The following FOXO1 variants were observed in gnomAD, a reference collection of about 807,000 sequenced individuals.
FOXO1 encodes forkhead box O1, also known as forkhead box protein O1.
In FOXO1, 6 loss-of-function variants were observed where a neutral mutation model predicts 44.1. The ratio of observed to expected loss-of-function variants is 0.14; its 90% CI spans 0.07 to 0.27. The LOEUF (loss-of-function observed/expected upper bound fraction) is 0.27, where lower values mean the gene tolerates loss of function less well. Among genes scored for constraint, FOXO1 ranks in the 10% least tolerant of loss-of-function variants. The pLI, the probability that FOXO1 is intolerant of heterozygous loss-of-function variation, is 1.00. For missense variants in FOXO1, 737 were observed against 888.8 expected (o/e 0.83, Z 2.17); for synonymous variants, 380 against 362.7 (o/e 1.05, Z -0.54).
chr13:40,617,158 G>A (rs544128673), intron 1 of FOXO1, among the ~76,000 whole-genome samples: 207 of 152,302 alleles, frequency 1.4e-3, no homozygotes, highest in Non-Finnish European at 2.6e-3. Flanking sequence ...AATAACAAAG[G>A]TGAAAGGCCA....
intron 1 of FOXO1, among the ~76,000 whole-genome samples, chr13:40,659,324 AAAAAAAAG>A (rs1877960695): frequency 6.6e-6 from 1 of 151,178 alleles, no homozygotes; most frequent in Non-Finnish European, 1.5e-5. Flanking sequence ...CAAAAAAAAA[AAAAAAAAG>A]AAAAGAAAAG....
At chr13:40,598,513 T>A (rs1875682940) in intron 1 of FOXO1, among the ~76,000 whole-genome samples, 1 of 151,870 alleles carries the variant, frequency 6.6e-6, no homozygotes, top group Non-Finnish European at 1.5e-5. Context: ...AAAAAAAAAA[T>A]CACACAACAT....
chr13:40,571,921 G>A (rs1379342707), intron 1 of FOXO1, among the ~76,000 whole-genome samples: 2 of 152,166 alleles, frequency 1.3e-5, no homozygotes, highest in Non-Finnish European at 2.9e-5. Flanking sequence ...CTCTTCTGAT[G>A]AAGAATTTAA....
rs553576869 is a variant in FOXO1, at chr13:40,586,362, T to C, written c.631-25502A>G. Among the ~76,000 whole-genome samples, 3 of 152,240 alleles carry C rather than the reference T, an allele frequency of 2.0e-5. No homozygotes were observed. In the South Asian group the frequency reaches 6.2e-4, roughly 32 times the overall value. ...CATACTACTTCCTACAGGATATGCT[T>C]TCTCTCTCTAAGAAGGGCTTAATAA... On this transcript the variant is annotated intron_variant, in intron 1 of 2. Transcript: ENST00000379561.
chr13:40,618,469 A>T (rs567160969), intron 1 of FOXO1, among the ~76,000 whole-genome samples: 7 of 152,246 alleles, frequency 4.6e-5, no homozygotes, highest in Non-Finnish European at 1.0e-4. Flanking sequence ...GCTGTTCCAC[A>T]GAACGGGATT....
At chr13:40,624,505 A>G (rs1167192117) in intron 1 of FOXO1, among the ~76,000 whole-genome samples, 1 of 152,132 alleles carries the variant, frequency 6.6e-6, no homozygotes, top group Non-Finnish European at 1.5e-5. Flanking sequence ...ATCAGTTCTG[A>G]TTCATACCAC....
intron 1 of FOXO1, among the ~76,000 whole-genome samples, chr13:40,616,560 C>T (rs1876430368): frequency 6.6e-6 from 1 of 152,120 alleles, no homozygotes; most frequent in Admixed American, 6.5e-5. Flanking sequence ...GAATGAGAAG[C>T]CCATTGGTAA....
At chr13:40,601,349 T>A (rs976651059) in intron 1 of FOXO1, among the ~76,000 whole-genome samples, 2 of 152,254 alleles carry the variant, frequency 1.3e-5, no homozygotes, top group Non-Finnish European at 2.9e-5. Flanking sequence ...ATTCACTGAC[T>A]GAACTTTGTT....
intron 1 of FOXO1, among the ~76,000 whole-genome samples, chr13:40,612,750 T>G (rs1289387124): frequency 6.6e-6 from 1 of 152,218 alleles, no homozygotes; most frequent in African/African-American, 2.4e-5. Context: ...TATACTGTTA[T>G]TATTGGTCTG....
intron 1 of FOXO1, chr13:40,611,022 T>C (rs775853246): frequency 2.2e-6 from 1 of 455,698 alleles, no homozygotes; most frequent in South Asian, 1.6e-5. Context: ...AAGTCTTACT[T>C]GTTGCAAACT....
intron 1 of FOXO1, among the ~76,000 whole-genome samples, chr13:40,580,801 C>G (rs747735211): frequency 5.9e-5 from 9 of 152,238 alleles, no homozygotes; most frequent in Non-Finnish European, 1.2e-4. Flanking sequence ...AAGATGCTGT[C>G]ATTTGAAGGT....
At chr13:40,564,385 C>T (rs1593379723) in intron 1 of FOXO1, among the ~76,000 whole-genome samples, 3 of 152,004 alleles carry the variant, frequency 2.0e-5, no homozygotes, top group East Asian at 3.9e-4. Context: ...AGAGCTGTTT[C>T]CTAACTTTGC....
chr13:40,571,114 T>A (rs1566064142), intron 1 of FOXO1, among the ~76,000 whole-genome samples: 1 of 152,114 alleles, frequency 6.6e-6, no homozygotes, highest in Non-Finnish European at 1.5e-5. Flanking sequence ...ATAAGGTCCC[T>A]GTGGTGGATA....
chr13:40,568,927 T>C (rs116184434), intron 1 of FOXO1, among the ~76,000 whole-genome samples: 140 of 151,160 alleles, frequency 9.3e-4, no homozygotes, highest in African/African-American at 3.2e-3. Flanking sequence ...GGGAAACTTA[T>C]GGGTGTTCAT....
Position 40,558,119 on chromosome 13 carries a change from T to C in FOXO1, c.*930A>G, listed in dbSNP as rs1019648449. ...AGTGTACAAACCAGTTAAGCATGTA[T>C]AAAATTAGTACTAATCCAGTTAGAA... On this transcript the variant is annotated 3_prime_UTR_variant, in exon 3 of 3. Transcript: ENST00000379561. 6.6e-6 allele frequency: 1 copy of C among 152,602 alleles called. No individual in the cohort carries two copies. Among genetic ancestry groups the C allele is most frequent in the Non-Finnish European group, 1.5e-5 (1 of 68,030 alleles). 9.5% of individuals were successfully genotyped at this position (152,602 alleles called of 1,614,324 possible).
intron 1 of FOXO1, among the ~76,000 whole-genome samples, chr13:40,613,420 T>TAAA (rs11370060): frequency 6.8e-6 from 1 of 147,134 alleles, no homozygotes; most frequent in African/African-American, 2.5e-5. Context: ...GTTTGGTGTT[T>TAAA]AAAAAAAAAA....
chr13:40,573,581 A>T (rs1045382757), intron 1 of FOXO1, among the ~76,000 whole-genome samples: 1 of 152,172 alleles, frequency 6.6e-6, no homozygotes, highest in Non-Finnish European at 1.5e-5. Flanking sequence ...TTAAATATTA[A>T]ATGTTTTATT....
rs753713529 is a variant in FOXO1 at position 40,560,203 on chromosome 13, T to C, written c.1288A>G (p.Ser430Gly). 3.1e-6 allele frequency: 5 copies of C among 1,614,070 alleles called. No homozygotes were observed. The highest frequency in any genetic ancestry group is 4.2e-6 in the Non-Finnish European group (5 of 1,180,038). Reference sequence around the variant, plus strand: ...GGCATCTGGGGCAAAGGGCTCATGCTGGATTGGCCATATGTATATTTTTGG... The same window carrying C: ...GGCATCTGGGGCAAAGGGCTCATGCCGGATTGGCCATATGTATATTTTTGG... Reference protein sequence around the residue: ...NYQKYTYGQSSMSPLPQMPIQ... With the variant: ...NYQKYTYGQSGMSPLPQMPIQ... Residue 430 changes from serine (S) to glycine (G), a missense_variant, in exon 2 of 3, where the codon AGC becomes GGC. This residue lies in a region of FOXO1 where 283 missense variants were observed against 278.1 expected (regional missense o/e 1.02). Transcript: ENST00000379561. This position sits in a 1 kb window ranked among gnomAD's most constrained non-coding sequence, Gnocchi z 5.1.
chr13:40,637,906 C>G (rs1877214066), intron 1 of FOXO1, among the ~76,000 whole-genome samples: 2 of 152,164 alleles, frequency 1.3e-5, no homozygotes, highest in African/African-American at 4.8e-5. Context: ...CAATACTATA[C>G]AGAACTGCAG....
Sources: allele counts gnomAD v4.1 joint callset (sites outside exome capture counted in the v4.1 genomes callset), GRCh38; gene constraint gnomAD v4.1.1; regional missense constraint gnomAD v4.1.1; non-coding constraint Gnocchi (gnomAD v3.1); transcripts MANE v1.5; gene names NCBI Gene and HGNC (gene_info 2026-07-23, HGNC 2026-07-21).